The following ANKRD33B variants were observed in gnomAD, a reference collection of about 807,000 sequenced individuals.
ANKRD33B encodes the protein ankyrin repeat domain-containing protein 33B.
In ANKRD33B, 6 loss-of-function variants were observed where a neutral mutation model predicts 21.5. The ratio of observed to expected loss-of-function variants is 0.28; its 90% CI spans 0.15 to 0.55. ANKRD33B has a LOEUF of 0.55. Ranked by LOEUF, ANKRD33B falls within the 20% of genes least tolerant of loss-of-function variation. ANKRD33B has a pLI of 0.94. For missense variants in ANKRD33B, 698 were observed against 747.2 expected, an observed-to-expected ratio of 0.93 and a Z score of 0.77; for synonymous variants, 347 against 342.4, an observed-to-expected ratio of 1.01 and a Z score of -0.15.
rs1457182040 is a variant in ANKRD33B at position 10,650,111 on chromosome 5, T to C, written c.1483T>C (p.Ter495ArgextTer57). The change falls in exon 4 of 4, where the codon TGA becomes CGA. Residue 495 changes from the stop codon to arginine (R), a stop_lost. Transcript: ENST00000296657. ...CACTGCGCCCTGGAAGAAGAGGACG[T>C]GAGGGCCCGTGTGCCTGGCGCTGGG... ...RRTAPWKKRT[*>R] 1.3e-6 allele frequency: 2 copies of C among 1,504,488 alleles called. No individual in the cohort carries two copies. Among genetic ancestry groups the C allele is most frequent in the Non-Finnish European group, 1.8e-6 (2 of 1,130,616 alleles). 93.2% of individuals were successfully genotyped at this position (1,504,488 alleles called of 1,614,324 possible).
chr5:10,577,271 A>G (rs1444906624), intron 1 of ANKRD33B, among the ~76,000 whole-genome samples: 2 of 152,256 alleles, frequency 1.3e-5, no homozygotes, highest in South Asian at 2.1e-4. Context: ...CTGGGATTAC[A>G]GGCACCCACC....
chr5:10,598,407 C>T (rs1169997896), intron 1 of ANKRD33B, among the ~76,000 whole-genome samples: 1 of 152,110 alleles, frequency 6.6e-6, no homozygotes, highest in African/African-American at 2.4e-5. Context: ...GCTGGGATTA[C>T]AGGCATGCAC....
chr5:10,592,605 C>T (rs1156824146), intron 1 of ANKRD33B, among the ~76,000 whole-genome samples: 5 of 145,794 alleles, frequency 3.4e-5, no homozygotes, highest in Middle Eastern at 3.6e-3. Flanking sequence ...CCAGCCTGGG[C>T]AACAGAGTGA....
chr5:10,581,684 C>T (rs1033346486), intron 1 of ANKRD33B, among the ~76,000 whole-genome samples: 16 of 152,334 alleles, frequency 1.1e-4, no homozygotes, highest in African/African-American at 3.6e-4. Context: ...TGGTTAACAT[C>T]TACAATTAGT....
chr5:10,564,938 C>A, intron 1 of ANKRD33B, 105 bp downstream of exon 1: 1 of 1,382,098 alleles, frequency 7.2e-7, no homozygotes, highest in Non-Finnish European at 9.5e-7. Context: ...ACCGGTCCCT[C>A]GGTCACTCAG....
At position 10,649,250 on chromosome 5, in the gene ANKRD33B, G is replaced by C; in HGVS notation, c.638-16G>C. ...GTTGCCGCCACCCACTTCTGTTTGT[G>C]TTTTGCGTTTTGCAGGGGCGGATGT... On this transcript the variant is annotated splice_polypyrimidine_tract_variant and intron_variant, in intron 3 of 3. Coordinates refer to ENST00000296657, the MANE Select transcript of ANKRD33B (RefSeq NM_001164440.2). 1 of 1,509,504 alleles carries C rather than the reference G, an allele frequency of 6.6e-7. No homozygotes were observed. The highest frequency in any genetic ancestry group is 2.5e-5 in the East Asian group (1 of 40,354). The allele number at this position is 1,509,504 out of a possible 1,614,324, so 93.5% of individuals were successfully genotyped here.
chr5:10,617,157 A>G (rs1214202808), intron 1 of ANKRD33B, among the ~76,000 whole-genome samples: 1 of 152,188 alleles, frequency 6.6e-6, no homozygotes, highest in Non-Finnish European at 1.5e-5. Context: ...TTCCACTGGG[A>G]GCTAGGATTT....
chr5:10,564,738 C>T lies in ANKRD33B; in HGVS notation c.271C>T (p.Arg91Cys). 6.5e-7 allele frequency: 1 copy of T among 1,531,124 alleles called. No homozygotes were observed. The highest frequency in any genetic ancestry group is 8.7e-7 in the Non-Finnish European group (1 of 1,144,224). 94.8% of individuals were successfully genotyped at this position (1,531,124 alleles called of 1,614,324 possible). The change falls in exon 1 of 4, where the codon CGC becomes TGC. Residue 91 changes from arginine to cysteine, a missense_variant. Physicochemically the swap from Arg to Cys is radical, Grantham distance 180. This residue lies in a region of ANKRD33B where 148 missense variants were observed against 154.9 expected (regional missense o/e 0.96). Coordinates refer to ENST00000296657, the MANE Select transcript of ANKRD33B (RefSeq NM_001164440.2). The stretch of plus-strand genomic sequence containing the variant: ...CGTCCCGGAGACGGCGACCCTCCTG[C>T]GCGCCGCCTGCGCCAACAACGTGGG... ...ESVPETATLL[R>C]AACANNVGLL... is the part of the protein sequence containing the mutation.
At chr5:10,590,603 CGCGCGT>C (rs57246941) in intron 1 of ANKRD33B, among the ~76,000 whole-genome samples, 2,668 of 94,458 alleles carry the variant, frequency 0.028, 110 homozygotes, top group East Asian at 0.23. Flanking sequence ...CGCGCGCGCG[CGCGCGT>C]GTGTGTGTGT....
intron 3 of ANKRD33B, among the ~76,000 whole-genome samples, chr5:10,646,627 A>G (rs1737194194): frequency 6.6e-6 from 1 of 152,196 alleles, no homozygotes; most frequent in South Asian, 2.1e-4. Context: ...TTTTAATTTT[A>G]TAGTTTGTTC....
chr5:10,611,743 G>A (rs1276749472), intron 1 of ANKRD33B, among the ~76,000 whole-genome samples: 1 of 152,210 alleles, frequency 6.6e-6, no homozygotes, highest in Non-Finnish European at 1.5e-5. Flanking sequence ...AATCACACTT[G>A]GGGAGTGTAT....
chr5:10,569,137 G>A (rs1289353934), intron 1 of ANKRD33B, among the ~76,000 whole-genome samples: 2 of 152,132 alleles, frequency 1.3e-5, no homozygotes, highest in African/African-American at 4.8e-5. Context: ...ACAGCCCTCC[G>A]TCTTTACCAG....
At chr5:10,639,062 G>A (rs1334068681) in intron 3 of ANKRD33B, among the ~76,000 whole-genome samples, 2 of 69,644 alleles carry the variant, frequency 2.9e-5, no homozygotes, top group Non-Finnish European at 6.3e-5. Context: ...GTTGCGCGGC[G>A]ATGTTAGCGG....
Position 10,651,832 on chromosome 5 carries a change from C to CA in ANKRD33B, c.*1720dup, listed in dbSNP as rs1166375574. The CA allele has an allele frequency of 6.6e-6, 1 of 152,488 alleles. No individual in the cohort carries two copies. Among genetic ancestry groups the CA allele is most frequent in the East Asian group, 1.9e-4 (1 of 5,312 alleles). The allele number at this position is 152,488 out of a possible 1,614,324, so 9.4% of individuals were successfully genotyped here. A position where few individuals can be genotyped will look rare whatever the true frequency, so the allele number is the denominator to read the frequency against. ...TGGCCTCTCCAAATACTCCATTGAA[C>CA]AGGACTGCAGGCTGCACCCAGGCTA... On this transcript the variant is annotated 3_prime_UTR_variant, in exon 4 of 4. Transcript: ENST00000296657.
At chr5:10,612,923 T>A (rs1285744729) in intron 1 of ANKRD33B, among the ~76,000 whole-genome samples, 1 of 152,234 alleles carries the variant, frequency 6.6e-6, no homozygotes, top group Non-Finnish European at 1.5e-5. Flanking sequence ...CACATAGACA[T>A]CTCCCCCGAC....
chr5:10,638,033 G>T lies in ANKRD33B; in HGVS notation c.502G>T (p.Ala168Ser), dbSNP rs1057474445. 1.3e-6 allele frequency: 2 copies of T among 1,537,544 alleles called. No individual in the cohort carries two copies. The highest frequency in any genetic ancestry group is 1.7e-6 in the Non-Finnish European group (2 of 1,146,940). The change falls in exon 3 of 4, where the codon GCT becomes TCT. Residue 168 changes from alanine (A) to serine (S), a missense_variant. By Grantham distance (99) the Ala-to-Ser change is moderately conservative. Coordinates refer to ENST00000296657, the MANE Select transcript of ANKRD33B (RefSeq NM_001164440.2). Reference protein sequence around the residue: ...ALITAAQAGHAIITNYLLNYF... With the variant: ...ALITAAQAGHSIITNYLLNYF... ...GTGTACACTTCTCTTTACAGGGCAC[G>T]CTATCATCACTAACTACTTGTTGAA... is the stretch of plus-strand genomic sequence containing the variant.
chr5:10,586,602 C>T (rs1735567906), intron 1 of ANKRD33B, among the ~76,000 whole-genome samples: 1 of 151,924 alleles, frequency 6.6e-6, no homozygotes, highest in African/African-American at 2.4e-5. Context: ...AAACAGTTCT[C>T]ATCTTCAGTC....
intron 1 of ANKRD33B, among the ~76,000 whole-genome samples, chr5:10,609,716 C>A (rs1402162810): frequency 6.6e-6 from 1 of 152,142 alleles, no homozygotes; most frequent in African/African-American, 2.4e-5. Context: ...CGAGACCAGA[C>A]TGGCCGACGT....
At chr5:10,633,529 G>A (rs754702153) in intron 2 of ANKRD33B, among the ~76,000 whole-genome samples, 4 of 152,238 alleles carry the variant, frequency 2.6e-5, no homozygotes, top group South Asian at 2.1e-4. Context: ...TCTGACGTCC[G>A]TGACGCGCTG....
Sources: gnomAD v4.1 joint callset for allele counts (sites outside exome capture counted in the v4.1 genomes callset) on GRCh38, gnomAD v4.1.1 for gene constraint, gnomAD v4.1.1 regional missense constraint, MANE v1.5 for transcripts, NCBI Gene and HGNC (gene_info 2026-07-23, HGNC 2026-07-21) for gene names.